CCSER1: variants seen among roughly 807,000 people sequenced by gnomAD.
CCSER1 encodes the protein serine-rich coiled-coil domain-containing protein 1.
A neutral mutation model predicts 82.0 loss-of-function variants in CCSER1; 41 were observed. The observed-to-expected ratio is 0.50, with a 90% confidence interval of 0.39 to 0.65. The LOEUF (loss-of-function observed/expected upper bound fraction) is 0.65, where lower values mean the gene tolerates loss of function less well. Among genes scored for constraint, CCSER1 ranks in the 30% least tolerant of loss-of-function variants. The probability of loss-of-function intolerance (pLI) is 0.00; values close to 1 mark genes in which losing one functional copy is unlikely to be tolerated. For synonymous variants in CCSER1, 414 were observed against 383.9 expected, an observed-to-expected ratio of 1.08 and a Z score of -0.92; for missense variants, 1,119 against 1,064.2, an observed-to-expected ratio of 1.05 and a Z score of -0.72.
At chr4:91,294,642 T>A (rs1744022740) in intron 10 of CCSER1, among the ~76,000 whole-genome samples, 1 of 151,808 alleles carries the variant, frequency 6.6e-6, no homozygotes. Flanking sequence ...GTTCCTGATG[T>A]TTCTTGGCTT....
At chr4:91,045,146 T>C (rs1178528289) in intron 9 of CCSER1, among the ~76,000 whole-genome samples, 5 of 152,284 alleles carry the variant, frequency 3.3e-5, no homozygotes, top group African/African-American at 7.2e-5. Flanking sequence ...CCTATGTGGG[T>C]ATTCACACTC....
chr4:91,488,657 G>C (rs1758348541), intron 10 of CCSER1, among the ~76,000 whole-genome samples: 1 of 152,156 alleles, frequency 6.6e-6, no homozygotes, highest in South Asian at 2.1e-4. Context: ...TGCAGTATGT[G>C]CCTGCTTCGC....
intron 7 of CCSER1, among the ~76,000 whole-genome samples, chr4:90,808,855 C>A (rs985817124): frequency 6.6e-6 from 1 of 152,168 alleles, no homozygotes; most frequent in Admixed American, 6.5e-5. Context: ...ACTAAAAGTA[C>A]CTCTATTATT....
intron 5 of CCSER1, among the ~76,000 whole-genome samples, chr4:90,622,263 A>T (rs1246988483): frequency 2.0e-5 from 3 of 151,978 alleles, no homozygotes; most frequent in Non-Finnish European, 4.4e-5. Flanking sequence ...TGGCGACCTG[A>T]TGTTTGTTTG....
At chr4:90,130,292 A>G (rs573712091) in intron 1 of CCSER1, among the ~76,000 whole-genome samples, 1 of 152,328 alleles carries the variant, frequency 6.6e-6, no homozygotes, top group African/African-American at 2.4e-5. Flanking sequence ...GCTTGAGCGT[A>G]GAGTTAACAA....
chr4:91,343,171 C>A (rs1747829369), intron 10 of CCSER1, among the ~76,000 whole-genome samples: 1 of 151,792 alleles, frequency 6.6e-6, no homozygotes, highest in Non-Finnish European at 1.5e-5. Flanking sequence ...TCCTTTTTGC[C>A]CAATTTCTTC....
At chr4:90,710,845 G>GT (rs1288765673) in intron 6 of CCSER1, among the ~76,000 whole-genome samples, 2 of 151,846 alleles carry the variant, frequency 1.3e-5, no homozygotes, top group East Asian at 1.9e-4. Flanking sequence ...ATTATAAACT[G>GT]TTTTTTTCTT....
intron 7 of CCSER1, chr4:90,780,399 G>T (rs1359082391): frequency 6.9e-6 from 11 of 1,586,310 alleles, no homozygotes; most frequent in Non-Finnish European, 9.5e-6. Context: ...ATGCTGAGTT[G>T]GTAGAATATA....
chr4:91,050,125 T>G (rs1427236921), intron 9 of CCSER1, among the ~76,000 whole-genome samples: 1 of 152,180 alleles, frequency 6.6e-6, no homozygotes, highest in Non-Finnish European at 1.5e-5. Context: ...TGTATACAAT[T>G]GAAAATTAAA....
chr4:90,667,821 G>T (rs989820408), intron 6 of CCSER1, among the ~76,000 whole-genome samples: 3 of 152,070 alleles, frequency 2.0e-5, no homozygotes, highest in Non-Finnish European at 4.4e-5. Context: ...ATTATTAATG[G>T]TCATTGCTAT....
intron 10 of CCSER1, among the ~76,000 whole-genome samples, chr4:91,175,766 C>G (rs59808335): frequency 6.6e-6 from 1 of 152,152 alleles, no homozygotes; most frequent in African/African-American, 2.4e-5. Flanking sequence ...TTCTCCCATT[C>G]TGTAGGTTGC....
intron 8 of CCSER1, among the ~76,000 whole-genome samples, chr4:90,853,973 C>A (rs1764171208): frequency 6.6e-6 from 1 of 152,118 alleles, no homozygotes; most frequent in Admixed American, 6.5e-5. Context: ...TATTTTAGGA[C>A]ATACTATATG....
chr4:90,319,148 G>A (rs896686147), intron 3 of CCSER1, among the ~76,000 whole-genome samples: 2 of 152,142 alleles, frequency 1.3e-5, no homozygotes, highest in Admixed American at 6.5e-5. Context: ...CTGAGACCCA[G>A]CTGCTAGTGC....
chr4:90,870,815 C>CTTTTTTTTTTTTTTTTTTTTTTTTTTT (rs35869800), intron 8 of CCSER1, among the ~76,000 whole-genome samples: 1 of 109,554 alleles, frequency 9.1e-6, no homozygotes, highest in African/African-American at 3.3e-5. Context: ...AGGTCCTTGG[C>CTTTTTTTTTTTTTTTTTTTTTTTTTTT]TTTTTTTTTT....
rs191019448 is a variant in CCSER1, at chr4:91,286,578, T to C, written c.2217+200584T>C. On this transcript the variant is annotated intron_variant, in intron 10 of 10. Transcript: ENST00000509176. ...GGTATAACCTTATCTACATGTGATA[T>C]GAATGGAGATCTTTAACATTTGGAT... Among the ~76,000 whole-genome samples, 942 of 151,926 alleles carry C rather than the reference T, an allele frequency of 6.2e-3. 5 individuals are homozygous for C. The highest frequency in any genetic ancestry group is 9.9e-3 in the Non-Finnish European group (672 of 67,772).
Position 91,166,001 on chromosome 4 carries a change from G to A in CCSER1, c.2217+80007G>A, listed in dbSNP as rs147791449. Among the ~76,000 whole-genome samples, 664 of 152,252 alleles carry A rather than the reference G, an allele frequency of 4.4e-3. 3 individuals carry two copies. Among genetic ancestry groups the A allele is most frequent in the African/African-American group, 0.015 (636 of 41,544 alleles). On this transcript the variant is annotated intron_variant, in intron 10 of 10. Transcript: ENST00000509176. The stretch of plus-strand genomic sequence containing the variant: ...CTCAGTAGGAAATGCAGAAATCACC[G>A]TTTTCTGCGTTGATCACGCTGGGAT...
chr4:91,195,348 T>C (rs1303557933), intron 10 of CCSER1, among the ~76,000 whole-genome samples: 1 of 152,216 alleles, frequency 6.6e-6, no homozygotes, highest in Non-Finnish European at 1.5e-5. Flanking sequence ...TAAATTCTAA[T>C]TTGTGTATAA....
intron 10 of CCSER1, among the ~76,000 whole-genome samples, chr4:91,092,884 C>T (rs1724111889): frequency 6.6e-6 from 1 of 152,168 alleles, no homozygotes; most frequent in Non-Finnish European, 1.5e-5. Flanking sequence ...CCTTGGCTCA[C>T]TGAGGTGGAA....
intron 8 of CCSER1, among the ~76,000 whole-genome samples, chr4:90,874,956 G>A (rs984433662): frequency 6.6e-6 from 1 of 152,106 alleles, no homozygotes; most frequent in African/African-American, 2.4e-5. Context: ...TGCGGCAGGA[G>A]AATCACTTGA....
Sources: allele counts gnomAD v4.1 joint callset (sites outside exome capture counted in the v4.1 genomes callset), GRCh38; gene constraint gnomAD v4.1.1; transcripts MANE v1.5; gene names NCBI Gene and HGNC (gene_info 2026-07-23, HGNC 2026-07-21).